The following PHF21A variants were observed in gnomAD, a reference collection of about 807,000 sequenced individuals.
The protein encoded by PHF21A is PHD finger protein 21A.
Under a neutral mutation model 82.5 loss-of-function variants are expected in PHF21A, and 11 were observed. The observed-to-expected ratio is 0.13, with a 90% CI of 0.08 to 0.22. The LOEUF (loss-of-function observed/expected upper bound fraction) is 0.22. Ranked by LOEUF, PHF21A falls within the 10% of genes least tolerant of loss-of-function variation. PHF21A has a pLI of 1.00. For synonymous variants in PHF21A, 297 were observed against 302.8 expected, an observed-to-expected ratio of 0.98 and a Z score of 0.20; for missense variants, 579 against 837.8, an observed-to-expected ratio of 0.69 and a Z score of 3.81.
rs1392987573 is a variant in PHF21A at position 46,092,077 on chromosome 11, A to C, written c.-196+106T>G. On this transcript the variant is annotated intron_variant, in intron 2 of 18. Coordinates refer to ENST00000676320, the MANE Select transcript of PHF21A (RefSeq NM_001352027.3). The stretch of plus-strand genomic sequence containing the variant: ...TGCAAATAGCAAAGCCCCATTTCTG[A>C]GAGAGAGCCTATTTGCCAAAAAAAA... 5 of 133,630 alleles carry C rather than the reference A, an allele frequency of 3.7e-5. No homozygotes were observed. In the East Asian group the frequency reaches 1.1e-3, roughly 29 times the overall value. 8.3% of individuals were successfully genotyped at this position (133,630 alleles called of 1,614,324 possible). A position where few individuals can be genotyped will look rare whatever the true frequency, so the allele number is the denominator to read the frequency against.
At chr11:46,098,628 A>C (rs2097040691) in intron 1 of PHF21A, among the ~76,000 whole-genome samples, 1 of 152,228 alleles carries the variant, frequency 6.6e-6, no homozygotes, top group Non-Finnish European at 1.5e-5. Flanking sequence ...TCTTAATTAT[A>C]GATCAGACTT....
intron 6 of PHF21A, among the ~76,000 whole-genome samples, chr11:46,033,781 ACT>A (rs1312726716): frequency 6.6e-6 from 1 of 151,948 alleles, no homozygotes; most frequent in Non-Finnish European, 1.5e-5. Context: ...ATTGATTTCA[ACT>A]CTGTTTACTT....
chr11:46,045,599 C>G (rs937285598), intron 6 of PHF21A, among the ~76,000 whole-genome samples: 8 of 152,124 alleles, frequency 5.3e-5, no homozygotes, highest in Non-Finnish European at 1.2e-4. Context: ...ATCACAAGGA[C>G]TCAAAGCACT....
intron 3 of PHF21A, among the ~76,000 whole-genome samples, chr11:46,089,259 A>G (rs1219691262): frequency 6.6e-6 from 1 of 152,214 alleles, no homozygotes; most frequent in Admixed American, 6.5e-5. Context: ...ATCAGGTTTC[A>G]ATTTGTACAA....
At chr11:46,036,015 A>G (rs780253626) in intron 6 of PHF21A, among the ~76,000 whole-genome samples, 8 of 152,228 alleles carry the variant, frequency 5.3e-5, no homozygotes, top group African/African-American at 9.6e-5. Context: ...AGAAGATTCA[A>G]AAAGAAACTC....
intron 6 of PHF21A, chr11:46,049,425 C>T: frequency 2.2e-6 from 1 of 456,140 alleles, no homozygotes; most frequent in Non-Finnish European, 4.4e-6. Flanking sequence ...CATAGGCTAG[C>T]TTCAACACAG....
chr11:46,040,767 C>T (rs1166246470), intron 6 of PHF21A, among the ~76,000 whole-genome samples: 1 of 152,018 alleles, frequency 6.6e-6, no homozygotes, highest in Non-Finnish European at 1.5e-5. Flanking sequence ...GCAATTTTTT[C>T]TTATAACACT....
intron 6 of PHF21A, among the ~76,000 whole-genome samples, chr11:46,014,594 G>A (rs1253276383): frequency 6.6e-6 from 1 of 152,092 alleles, no homozygotes; most frequent in Non-Finnish European, 1.5e-5. Context: ...CCAAATGGCC[G>A]AGGCTGAACT....
intron 6 of PHF21A, among the ~76,000 whole-genome samples, chr11:46,002,776 C>T (rs181698168): frequency 5.9e-5 from 9 of 152,116 alleles, no homozygotes; most frequent in Non-Finnish European, 1.3e-4. Flanking sequence ...AACCCCTCCA[C>T]AGAACTAGTT....
chr11:46,107,529 G>A (rs915051303), intron 1 of PHF21A, among the ~76,000 whole-genome samples: 1 of 152,172 alleles, frequency 6.6e-6, no homozygotes, highest in Admixed American at 6.5e-5. Context: ...CATTCTACCA[G>A]GTCCAATTCT....
chr11:45,993,429 A>G (rs1447180694), intron 6 of PHF21A, among the ~76,000 whole-genome samples: 1 of 152,084 alleles, frequency 6.6e-6, no homozygotes, highest in Admixed American at 6.6e-5. Flanking sequence ...AGTGAGGCAC[A>G]TGGTGATGGG....
At chr11:46,075,989 A>T (rs1019985639) in intron 6 of PHF21A, among the ~76,000 whole-genome samples, 3 of 152,204 alleles carry the variant, frequency 2.0e-5, no homozygotes, top group Non-Finnish European at 4.4e-5. Flanking sequence ...CACCTACTCC[A>T]AGACAGAAAA....
chr11:46,057,741 C>T (rs539767198), intron 6 of PHF21A, among the ~76,000 whole-genome samples: 7 of 152,208 alleles, frequency 4.6e-5, no homozygotes, highest in African/African-American at 1.4e-4. Context: ...AAACTGAGAT[C>T]GGGTCTCATG....
chr11:45,958,131 C>A (rs1344474615), intron 10 of PHF21A, among the ~76,000 whole-genome samples: 4 of 151,094 alleles, frequency 2.6e-5, no homozygotes, highest in African/African-American at 9.7e-5. Context: ...AAATTCTCCC[C>A]GAAAAGAAAA....
At chr11:46,098,777 T>A (rs1041098886) in intron 1 of PHF21A, among the ~76,000 whole-genome samples, 5 of 152,182 alleles carry the variant, frequency 3.3e-5, no homozygotes, top group Non-Finnish European at 7.3e-5. Flanking sequence ...TGAGCTTATT[T>A]TGGTGTACAG....
intron 6 of PHF21A, among the ~76,000 whole-genome samples, chr11:45,990,683 C>T (rs2094665179): frequency 6.7e-6 from 1 of 149,840 alleles, no homozygotes; most frequent in Non-Finnish European, 1.5e-5. Flanking sequence ...GAGGACACTA[C>T]AATGAACATA....
chr11:45,951,383 G>A (rs1291587790), intron 11 of PHF21A, among the ~76,000 whole-genome samples: 1 of 152,210 alleles, frequency 6.6e-6, no homozygotes, highest in Non-Finnish European at 1.5e-5. Flanking sequence ...AGCCACTTGA[G>A]AACATAGAAA....
intron 7 of PHF21A, among the ~76,000 whole-genome samples, chr11:45,978,954 T>C (rs916516902): frequency 2.0e-5 from 3 of 152,116 alleles, no homozygotes; most frequent in Non-Finnish European, 4.4e-5. Flanking sequence ...TTAGAACAAA[T>C]ACATTTTCTT....
At chr11:46,005,187 A>C (rs1437219761) in intron 6 of PHF21A, among the ~76,000 whole-genome samples, 1 of 152,150 alleles carries the variant, frequency 6.6e-6, no homozygotes, top group Non-Finnish European at 1.5e-5. Flanking sequence ...CAAAATCCAA[A>C]ACTTTTTGAG....
Sources: gnomAD v4.1 joint callset for allele counts (sites outside exome capture counted in the v4.1 genomes callset) on GRCh38, gnomAD v4.1.1 for gene constraint, MANE v1.5 for transcripts, NCBI Gene and HGNC (gene_info 2026-07-23, HGNC 2026-07-21) for gene names.